The following FNDC3A variants were observed in gnomAD, a reference collection of about 807,000 sequenced individuals.
The protein encoded by FNDC3A is fibronectin type-III domain-containing protein 3A.
Under a neutral mutation model 148.9 loss-of-function variants are expected in FNDC3A, and 32 were observed. The observed-to-expected ratio is 0.21, with a 90% CI of 0.16 to 0.29. The LOEUF is 0.29. Ranked by LOEUF, FNDC3A falls within the 10% of genes least tolerant of loss-of-function variation. The pLI, the probability that FNDC3A is intolerant of heterozygous loss-of-function variation, is 1.00. For missense variants in FNDC3A, 1,191 were observed against 1,452.8 expected, an observed-to-expected ratio of 0.82 and a Z score of 2.93; for synonymous variants, 472 against 473.6, an observed-to-expected ratio of 1.00 and a Z score of 0.04.
chr13:49,113,087 A>T lies in FNDC3A; in HGVS notation c.176-1568A>T, dbSNP rs146733242. ...CTCCCCCTTTCTCCTATTTCTCCAC[A>T]TCGTTCCTCCTCCCCCTTACCCTTC... On this transcript the variant is annotated intron_variant, in intron 3 of 25. Coordinates refer to ENST00000492622, the MANE Select transcript of FNDC3A (RefSeq NM_001079673.2). 6.3e-5 allele frequency among the ~76,000 whole-genome samples: 7 copies of T among 111,748 alleles called. No homozygotes were observed. The Admixed American group carries it at 8.2e-4, about 13-fold the overall frequency. 73.3% of individuals were successfully genotyped at this position (111,748 alleles called of 152,430 possible). A position where few individuals can be genotyped will look rare whatever the true frequency, so the allele number is the denominator to read the frequency against.
chr13:49,147,385 A>G lies in FNDC3A; in HGVS notation c.977+1450A>G, dbSNP rs76053789. On this transcript the variant is annotated intron_variant, in intron 8 of 25. Coordinates refer to ENST00000492622, the MANE Select transcript of FNDC3A (RefSeq NM_001079673.2). ...TAAAATGTACTTTCAGCCTTGAAAC[A>G]TATTTATTTTTCATCATATTTACTG... is the stretch of plus-strand genomic sequence containing the variant. Among the ~76,000 whole-genome samples the G allele has an allele frequency of 4.6e-3, 703 of 152,192 alleles. 4 individuals are homozygous for G. The highest frequency in any genetic ancestry group is 9.3e-3 in the Admixed American group (142 of 15,284).
intron 2 of FNDC3A, among the ~76,000 whole-genome samples, chr13:49,068,208 G>GTT (rs1555286677): frequency 1.3e-5 from 2 of 149,754 alleles, no homozygotes; most frequent in Non-Finnish European, 3.0e-5. Flanking sequence ...GTGTGTGTGT[G>GTT]TGTAATTTAG....
chr13:49,114,419 CCCA>C (rs1880792928), intron 3 of FNDC3A, among the ~76,000 whole-genome samples: 1 of 151,422 alleles, frequency 6.6e-6, no homozygotes, highest in African/African-American at 2.4e-5. Context: ...CTCCCCGCCC[CCCA>C]CCACCCCTAC....
At position 49,207,197 on chromosome 13, in the gene FNDC3A, C is replaced by T. The variant is rs767190619; in HGVS notation, c.3399C>T (p.Leu1133=). ...QCQDSLGHQD[L]VGPYSTTVLF... ...AAGACTCTCTGGGACACCAGGACCT[C>T]GTAGGTCCCTACAGCACCACAGTGC... is the stretch of plus-strand genomic sequence containing the variant. The change falls in exon 26 of 26, where the codon CTC becomes CTT. Residue 1133 remains leucine, a synonymous_variant. Transcript: ENST00000492622. 3.1e-6 allele frequency: 5 copies of T among 1,613,808 alleles called. No homozygotes were observed. The highest frequency in any genetic ancestry group is 3.4e-6 in the Non-Finnish European group (4 of 1,179,668).
rs918991479 is a variant in FNDC3A at position 48,985,964 on chromosome 13, C to T, written c.-40+9787C>T. 2.0e-5 allele frequency among the ~76,000 whole-genome samples: 3 copies of T among 152,166 alleles called. 1 individual carries two copies. Among genetic ancestry groups the T allele is most frequent in the South Asian group, 4.1e-4 (2 of 4,820 alleles). On this transcript the variant is annotated intron_variant, in intron 1 of 25. Coordinates refer to ENST00000492622, the MANE Select transcript of FNDC3A (RefSeq NM_001079673.2). ...CTGGGTGGACAGCTTTGATTTATGT[C>T]GGTTTTCCCTGCGTAATTTTTAATA...
intron 14 of FNDC3A, among the ~76,000 whole-genome samples, 195 bp from the exon 15 acceptor site, chr13:49,185,769 G>A (rs567982497): frequency 6.6e-6 from 1 of 152,304 alleles, no homozygotes; most frequent in South Asian, 2.1e-4. Context: ...AAAAGGGGAA[G>A]TACAGTTGCA....
At chr13:49,022,661 C>T (rs369189985) in intron 2 of FNDC3A, among the ~76,000 whole-genome samples, 5 of 152,240 alleles carry the variant, frequency 3.3e-5, no homozygotes, top group Admixed American at 2.6e-4. Flanking sequence ...TCATAGATTT[C>T]ATGGCCCAAA....
chr13:49,096,020 A>G (rs1263540388), intron 3 of FNDC3A, among the ~76,000 whole-genome samples: 2 of 152,046 alleles, frequency 1.3e-5, no homozygotes, highest in Non-Finnish European at 2.9e-5. Context: ...TTCTCCTCCA[A>G]CTTATCTAGG....
chr13:49,077,208 G>A (rs112727529), intron 3 of FNDC3A, among the ~76,000 whole-genome samples: 3,403 of 152,314 alleles, frequency 0.022, 142 homozygotes, highest in African/African-American at 0.076. Flanking sequence ...AAAAATTTGA[G>A]GCTGCAGTGA....
chr13:49,082,405 A>G (rs114690230), intron 3 of FNDC3A, among the ~76,000 whole-genome samples: 2,849 of 152,250 alleles, frequency 0.019, 93 homozygotes, highest in African/African-American at 0.064. Flanking sequence ...AAAACCCAAC[A>G]GGATAAAATT....
intron 2 of FNDC3A, among the ~76,000 whole-genome samples, chr13:49,042,016 T>C (rs915548705): frequency 6.6e-6 from 1 of 151,970 alleles, no homozygotes; most frequent in Non-Finnish European, 1.5e-5. Flanking sequence ...ATAAAATATA[T>C]GTGAGGGGTA....
chr13:49,170,406 C>A (rs1250328796), intron 10 of FNDC3A, among the ~76,000 whole-genome samples: 1 of 152,158 alleles, frequency 6.6e-6, no homozygotes, highest in African/African-American at 2.4e-5. Context: ...CTCACCTAAT[C>A]TAAAAGCATT....
intron 2 of FNDC3A, among the ~76,000 whole-genome samples, chr13:49,039,760 G>A (rs1874779402): frequency 6.6e-6 from 1 of 151,906 alleles, no homozygotes. Flanking sequence ...TTTTGCCCAG[G>A]CTGGAGTGCA....
rs151334009 is a variant in FNDC3A at position 49,163,173 on chromosome 13, A to G, written c.978-4071A>G. The stretch of plus-strand genomic sequence containing the variant: ...CCACTACTCTCCTCAAAGCTGTCAG[A>G]CAGGAACGTTGAAGTCTGCAGAAGT... On this transcript the variant is annotated intron_variant, in intron 8 of 25. Transcript: ENST00000492622. 3.1e-3 allele frequency among the ~76,000 whole-genome samples: 471 copies of G among 152,302 alleles called. 8 individuals carry two copies. Among genetic ancestry groups the G allele is most frequent in the South Asian group, 0.023 (112 of 4,822 alleles).
At chr13:49,065,086 A>G (rs546644657) in intron 2 of FNDC3A, among the ~76,000 whole-genome samples, 2 of 152,268 alleles carry the variant, frequency 1.3e-5, no homozygotes, top group Non-Finnish European at 2.9e-5. Flanking sequence ...TATTTGCTCC[A>G]TTTCTGCTCT....
chr13:49,045,303 G>T (rs776490339), intron 2 of FNDC3A, among the ~76,000 whole-genome samples: 1 of 152,010 alleles, frequency 6.6e-6, no homozygotes, highest in African/African-American at 2.4e-5. Flanking sequence ...ACAAGTGCGT[G>T]CCACCACGGC....
chr13:48,977,564 G>C (rs750263450), intron 1 of FNDC3A, among the ~76,000 whole-genome samples: 15 of 152,078 alleles, frequency 9.9e-5, no homozygotes, highest in South Asian at 2.1e-4. Flanking sequence ...ATATTTTCTT[G>C]GTTGAATTAA....
At chr13:49,061,802 TCTCTCCTCTCCTCTCCTCTC>T (rs569457919) in intron 2 of FNDC3A, among the ~76,000 whole-genome samples, 1 of 38,330 alleles carries the variant, frequency 2.6e-5, no homozygotes, top group Non-Finnish European at 5.0e-5. Flanking sequence ...CCTCTCCTCT[TCTCTCCTCTCCTCTCCTCTC>T]CTCTCCCAAG....
intron 23 of FNDC3A, 22 bp downstream of exon 23, chr13:49,198,596 T>G (rs1351508511): frequency 6.4e-7 from 1 of 1,551,338 alleles, no homozygotes; most frequent in African/African-American, 1.4e-5. Flanking sequence ...TAATTGCTTC[T>G]TTATATAGTT....
Sources: gnomAD v4.1 joint callset for allele counts (sites outside exome capture counted in the v4.1 genomes callset) on GRCh38, gnomAD v4.1.1 for gene constraint, MANE v1.5 for transcripts, NCBI Gene and HGNC (gene_info 2026-07-23, HGNC 2026-07-21) for gene names.